FBXL5: variants seen among roughly 807,000 people sequenced by gnomAD.
FBXL5 encodes the protein F-box and leucine rich repeat protein 5, also known as F-box/LRR-repeat protein 5.
A neutral mutation model predicts 78.3 loss-of-function variants in FBXL5; 26 were observed. That is an observed-to-expected ratio of 0.33 (90% CI 0.24 to 0.46). The LOEUF is 0.46. Ranked by LOEUF, FBXL5 falls within the 20% of genes least tolerant of loss-of-function variation. The pLI is 1.00. For missense variants in FBXL5, 710 were observed against 829.2 expected, an observed-to-expected ratio of 0.86 and a Z score of 1.77; for synonymous variants, 295 against 282.5, an observed-to-expected ratio of 1.04 and a Z score of -0.45.
At chr4:15,666,534 A>G (rs964686525) in intron 1 of FBXL5, among the ~76,000 whole-genome samples, 5 of 150,788 alleles carry the variant, frequency 3.3e-5, no homozygotes, top group Non-Finnish European at 1.5e-5. Context: ...TGATCAAAGC[A>G]TGCAAAGTGT....
intron 1 of FBXL5, among the ~76,000 whole-genome samples, chr4:15,679,441 T>C (rs1718119233): frequency 6.6e-6 from 1 of 152,102 alleles, no homozygotes; most frequent in African/African-American, 2.4e-5. Context: ...CCAAGTCTCT[T>C]GTTTTTGAAT....
At chr4:15,609,026 GGAC>G (rs1377061310) in intron 10 of FBXL5, among the ~76,000 whole-genome samples, 9 of 152,044 alleles carry the variant, frequency 5.9e-5, no homozygotes, top group African/African-American at 1.9e-4. Context: ...GTGAATAAAT[GGAC>G]AACAGAATAA....
chr4:15,642,934 C>CT (rs1715040207), intron 2 of FBXL5, among the ~76,000 whole-genome samples: 1 of 152,120 alleles, frequency 6.6e-6, no homozygotes. Flanking sequence ...TTCATCCTCC[C>CT]TTTAAGTATA....
chr4:15,620,002 A>G (rs1174805634), intron 9 of FBXL5, among the ~76,000 whole-genome samples: 1 of 152,096 alleles, frequency 6.6e-6, no homozygotes, highest in African/African-American at 2.4e-5. Flanking sequence ...TTAGGAGTCT[A>G]AGGCTGCAGC....
chr4:15,615,036 C>A (rs1461669812), intron 9 of FBXL5, among the ~76,000 whole-genome samples: 2 of 152,162 alleles, frequency 1.3e-5, no homozygotes, highest in African/African-American at 4.8e-5. Flanking sequence ...CGGCCCTGGG[C>A]AATGAGGGAC....
chr4:15,664,866 C>T (rs1227815555), upstream of FBXL5, among the ~76,000 whole-genome samples: 1 of 151,976 alleles, frequency 6.6e-6, no homozygotes, highest in Non-Finnish European at 1.5e-5. Context: ...TCCTGCTCAT[C>T]TTTATATAAC....
chr4:15,655,490 C>T (rs1716808953), upstream of FBXL5: 2 of 658,168 alleles, frequency 3.0e-6, no homozygotes, highest in Non-Finnish European at 3.8e-6. Context: ...CGGGCGCGCG[C>T]AGAGGCTCGC....
chr4:15,674,938 C>T (rs1008951571), intron 1 of FBXL5, among the ~76,000 whole-genome samples: 24 of 152,088 alleles, frequency 1.6e-4, no homozygotes, highest in Admixed American at 1.3e-3. Flanking sequence ...CACGAGCCAC[C>T]GCACCCAGTC....
chr4:15,657,497 G>GC (rs1352094596), upstream of FBXL5, among the ~76,000 whole-genome samples: 1 of 152,114 alleles, frequency 6.6e-6, no homozygotes, highest in African/African-American at 2.4e-5. Flanking sequence ...AAGGTATTTG[G>GC]CAACAACAAC....
intron 1 of FBXL5, among the ~76,000 whole-genome samples, chr4:15,665,065 A>G (rs1011262087): frequency 4.6e-5 from 7 of 151,952 alleles, no homozygotes; most frequent in African/African-American, 1.2e-4. Flanking sequence ...TCATAAATTC[A>G]CTCCCACTAC....
chr4:15,676,694 G>T (rs775200205), intron 1 of FBXL5, among the ~76,000 whole-genome samples: 5 of 152,000 alleles, frequency 3.3e-5, no homozygotes, highest in African/African-American at 1.2e-4. Context: ...GAGTATTACG[G>T]GGGGGAGGGG....
At chr4:15,618,116 T>C (rs1712099449) in intron 9 of FBXL5, among the ~76,000 whole-genome samples, 1 of 152,216 alleles carries the variant, frequency 6.6e-6, no homozygotes, top group Non-Finnish European at 1.5e-5. Flanking sequence ...CAGAAGTTTG[T>C]TCTCTGAGAA....
chr4:15,651,700 T>C (rs7681349), intron 1 of FBXL5, among the ~76,000 whole-genome samples: 2 of 152,252 alleles, frequency 1.3e-5, no homozygotes, highest in African/African-American at 4.8e-5. Context: ...TAAAATGTCC[T>C]ATCTGTATAA....
chr4:15,619,050 G>C (rs1175010184), intron 9 of FBXL5, among the ~76,000 whole-genome samples: 1 of 152,148 alleles, frequency 6.6e-6, no homozygotes. Flanking sequence ...GCTACTTGTA[G>C]TGGTGGGGCA....
chr4:15,676,529 A>G (rs957214723), intron 1 of FBXL5, among the ~76,000 whole-genome samples: 3 of 152,246 alleles, frequency 2.0e-5, no homozygotes, highest in African/African-American at 7.2e-5. Flanking sequence ...TTTAGCTTCT[A>G]ATTCAAAGAA....
At chr4:15,665,793 C>T (rs937611689) in intron 1 of FBXL5, among the ~76,000 whole-genome samples, 4 of 152,120 alleles carry the variant, frequency 2.6e-5, no homozygotes, top group African/African-American at 9.7e-5. Context: ...AAAAAGAACC[C>T]AGTAAAATAC....
At chr4:15,635,660 G>C (rs909202308) in intron 5 of FBXL5, among the ~76,000 whole-genome samples, 7 of 151,656 alleles carry the variant, frequency 4.6e-5, no homozygotes, top group Admixed American at 3.3e-4. Context: ...GGCTGAGGCA[G>C]GAGAATCACT....
chr4:15,630,179 T>C (rs1321070067), intron 6 of FBXL5, among the ~76,000 whole-genome samples: 1 of 152,236 alleles, frequency 6.6e-6, no homozygotes, highest in Non-Finnish European at 1.5e-5. Flanking sequence ...TTAGTTTTTG[T>C]AATCCCTTAC....
chr4:15,618,308 G>C (rs1228250054), intron 9 of FBXL5, among the ~76,000 whole-genome samples: 1 of 152,158 alleles, frequency 6.6e-6, no homozygotes, highest in Admixed American at 6.5e-5. Flanking sequence ...GAGGTGGGAG[G>C]ATTGCTTATA....
Sources: gnomAD v4.1 joint callset for allele counts (sites outside exome capture counted in the v4.1 genomes callset) on GRCh38, gnomAD v4.1.1 for gene constraint, MANE v1.5 for transcripts, NCBI Gene and HGNC (gene_info 2026-07-23, HGNC 2026-07-21) for gene names.